Variants in MARCKS observed in about 807,000 individuals in gnomAD.
MARCKS encodes the protein myristoylated alanine rich protein kinase C substrate.
In MARCKS, 4 loss-of-function variants were observed where a neutral mutation model predicts 6.3. The observed-to-expected ratio is 0.63, with a 90% confidence interval of 0.31 to 1.45. The LOEUF (loss-of-function observed/expected upper bound fraction) is 1.45. MARCKS is among the 40% of genes most tolerant of loss of function. The pLI is 0.07. For missense variants in MARCKS, 636 were observed against 485.7 expected (o/e 1.31, Z -2.91); for synonymous variants, 289 against 236.5 (o/e 1.22, Z -2.04).
At chr6:113,859,639 GC>G in intron 1 of MARCKS, 43 bp from the exon 2 acceptor site, 3 of 1,432,398 alleles carry the variant, frequency 2.1e-6, no homozygotes, top group Middle Eastern at 2.5e-4. Flanking sequence ...GAATGGCGGC[GC>G]CCCGGCCGCT....
At position 113,860,733 on chromosome 6, in the gene MARCKS, T is replaced by G; in HGVS notation, c.*154T>G. On this transcript the variant is annotated 3_prime_UTR_variant, in exon 2 of 2. Transcript: ENST00000612661. ...TTTACTTTTTTTTAAGCACCAAATT[T>G]TGTTGTTTTTTTTTTTTCTCCCCTC... The G allele has an allele frequency of 2.2e-6, 1 of 464,952 alleles. No homozygotes were observed. Among genetic ancestry groups the G allele is most frequent in the Non-Finnish European group, 3.5e-6 (1 of 285,474 alleles). The allele number at this position is 464,952 out of a possible 1,614,324, so 28.8% of individuals were successfully genotyped here. A position where few individuals can be genotyped will look rare whatever the true frequency, so the allele number is the denominator to read the frequency against.
rs1774875665 is a variant in MARCKS at position 113,860,386 on chromosome 6, C to A, written c.806C>A (p.Ala269Asp). ...CCCAGCAAGGTGGAGGAGAAAAAGG[C>A]CGAGGAGGCCGGGGCCAGCGCCGCC... ...EEPSKVEEKKAEEAGASAAAC... is the reference protein window; with the variant it reads ...EEPSKVEEKKDEEAGASAAAC... The change falls in exon 2 of 2, where the codon GCC (alanine) becomes GAC (aspartate). Residue 269 changes from alanine (A) to aspartate (D), a missense_variant. Transcript: ENST00000612661. The A allele has an allele frequency of 7.9e-7, 1 of 1,271,492 alleles. No homozygotes were observed. The allele number at this position is 1,271,492 out of a possible 1,614,324, so 78.8% of individuals were successfully genotyped here. A position where few individuals can be genotyped will look rare whatever the true frequency, so the allele number is the denominator to read the frequency against.
Position 113,860,698 on chromosome 6 carries a change from C to T in MARCKS, c.*119C>T. The T allele has an allele frequency of 1.0e-5, 7 of 685,368 alleles. No homozygotes were observed. In the South Asian group the frequency reaches 1.5e-4, roughly 14 times the overall value. 42.5% of individuals were successfully genotyped at this position (685,368 alleles called of 1,614,324 possible). A position where few individuals can be genotyped will look rare whatever the true frequency, so the allele number is the denominator to read the frequency against. The stretch of plus-strand genomic sequence containing the variant: ...AACCAGGGATTGATTTTAAAGATGT[C>T]TTTTTTTATTTTACTTTTTTTTAAG... On this transcript the variant is annotated 3_prime_UTR_variant, in exon 2 of 2. Coordinates refer to ENST00000612661, the MANE Select transcript of MARCKS (RefSeq NM_002356.7).
chr6:113,860,316 C>T lies in MARCKS; in HGVS notation c.736C>T (p.Pro246Ser). The T allele has an allele frequency of 7.7e-7, 1 of 1,298,462 alleles. No homozygotes were observed. Among genetic ancestry groups the T allele is most frequent in the Non-Finnish European group, 1.0e-6 (1 of 997,936 alleles). The allele number at this position is 1,298,462 out of a possible 1,614,324, so 80.4% of individuals were successfully genotyped here. A position where few individuals can be genotyped will look rare whatever the true frequency, so the allele number is the denominator to read the frequency against. Residue 246 changes from proline to serine, a missense_variant, in exon 2 of 2, where the codon CCA becomes TCA. Physicochemically the swap from Pro to Ser is moderately conservative, Grantham distance 74. Coordinates refer to ENST00000612661, the MANE Select transcript of MARCKS (RefSeq NM_002356.7). ...CAAGCCCCAGGAGGCCGCTGTCGCG[C>T]CAGAGAAGCCGCCCGCCAGCGACGA... ...EAKPQEAAVA[P>S]EKPPASDETK...
rs888822248 is a variant in MARCKS at position 113,860,739 on chromosome 6, T to G, written c.*160T>G. The G allele has an allele frequency of 3.5e-4, 24 of 67,930 alleles. No individual in the cohort carries two copies. The highest frequency in any genetic ancestry group is 5.2e-4 in the Non-Finnish European group (21 of 40,572). The allele number at this position is 67,930 out of a possible 1,614,324, so 4.2% of individuals were successfully genotyped here. A position where few individuals can be genotyped will look rare whatever the true frequency, so the allele number is the denominator to read the frequency against. On this transcript the variant is annotated 3_prime_UTR_variant, in exon 2 of 2. Coordinates refer to ENST00000612661, the MANE Select transcript of MARCKS (RefSeq NM_002356.7). Reference sequence around the variant, plus strand: ...TTTTTTTAAGCACCAAATTTTGTTGTTTTTTTTTTTTCTCCCCTCCCCACA... The same window carrying G: ...TTTTTTTAAGCACCAAATTTTGTTGGTTTTTTTTTTTCTCCCCTCCCCACA...
intron 1 of MARCKS, among the ~76,000 whole-genome samples, chr6:113,859,197 G>C (rs1027081289): frequency 4.3e-4 from 65 of 152,218 alleles, no homozygotes; most frequent in Admixed American, 4.3e-3. Context: ...GATCCCCCTG[G>C]GAATTCCTGG....
rs779600997 is a variant in MARCKS, at chr6:113,860,537, C to T, written c.957C>T (p.Pro319=). 119 of 1,561,574 alleles carry T rather than the reference C, an allele frequency of 7.6e-5. No homozygotes were observed. The highest frequency in any genetic ancestry group is 9.9e-5 in the Non-Finnish European group (115 of 1,158,182). ...CAGCCCCCTCACAGGAGGCCCAGCC[C>T]GAGTGCAGTCCAGAAGCCCCCCCAG... ...ACAAPSQEAQ[P]ECSPEAPPAE... is the part of the protein sequence containing the mutation. The change falls in exon 2 of 2, where the codon CCC becomes CCT. Residue 319 remains proline, a synonymous_variant. Transcript: ENST00000612661.
intron 1 of MARCKS, 59 bp downstream of exon 1, chr6:113,857,906 G>C (rs1335520439): frequency 7.2e-7 from 1 of 1,393,172 alleles, no homozygotes; most frequent in Non-Finnish European, 9.9e-7. Flanking sequence ...TTCCCTCCTG[G>C]TGGCTCCCAA....
rs1307556102 is a variant in MARCKS, at chr6:113,860,352, G to A, written c.772G>A (p.Ala258Thr). ...KPPASDETKAAEEPSKVEEKK... is the reference protein window; with the variant it reads ...KPPASDETKATEEPSKVEEKK... ...GCCCGCCAGCGACGAGACCAAGGCC[G>A]CCGAGGAGCCCAGCAAGGTGGAGGA... Residue 258 changes from alanine (A) to threonine (T), a missense_variant, in exon 2 of 2, where the codon GCC (alanine) becomes ACC (threonine). Coordinates refer to ENST00000612661, the MANE Select transcript of MARCKS (RefSeq NM_002356.7). 7.7e-7 allele frequency: 1 copy of A among 1,303,550 alleles called. No individual in the cohort carries two copies. Among genetic ancestry groups the A allele is most frequent in the Non-Finnish European group, 1.0e-6 (1 of 1,000,288 alleles). 80.7% of individuals were successfully genotyped at this position (1,303,550 alleles called of 1,614,324 possible).
At position 113,863,027 on chromosome 6, in the gene MARCKS, A is replaced by C. The variant is rs1774927103; in HGVS notation, c.*2448A>C. 6.6e-6 allele frequency: 1 copy of C among 152,216 alleles called. No individual in the cohort carries two copies. Among genetic ancestry groups the C allele is most frequent in the Non-Finnish European group, 1.5e-5 (1 of 68,016 alleles). 9.4% of individuals were successfully genotyped at this position (152,216 alleles called of 1,614,324 possible). A position where few individuals can be genotyped will look rare whatever the true frequency, so the allele number is the denominator to read the frequency against. ...TCAGTAAAAAAGTGGATTTTTAAAAATAACTCCCAAAGTGAATAGTCAAAA... is the reference window on the plus strand; with the variant it reads ...TCAGTAAAAAAGTGGATTTTTAAAACTAACTCCCAAAGTGAATAGTCAAAA... On this transcript the variant is annotated 3_prime_UTR_variant, in exon 2 of 2. Transcript: ENST00000612661.
In MARCKS at chr6:113,860,399, G is replaced by A. The variant is rs1326884930; in HGVS notation, c.819G>A (p.Gly273=). Residue 273 remains glycine (G), a synonymous_variant, in exon 2 of 2, where the codon GGG becomes GGA. Coordinates refer to ENST00000612661, the MANE Select transcript of MARCKS (RefSeq NM_002356.7). ...AGGAGAAAAAGGCCGAGGAGGCCGG[G>A]GCCAGCGCCGCCGCCTGCGAGGCCC... ...KVEEKKAEEA[G]ASAAACEAPS... 5 of 1,214,898 alleles carry A rather than the reference G, an allele frequency of 4.1e-6. No homozygotes were observed. Among genetic ancestry groups the A allele is most frequent in the Middle Eastern group, 3.6e-4 (1 of 2,816 alleles). The allele number at this position is 1,214,898 out of a possible 1,614,324, so 75.3% of individuals were successfully genotyped here. A position where few individuals can be genotyped will look rare whatever the true frequency, so the allele number is the denominator to read the frequency against.
Position 113,862,204 on chromosome 6 carries a change from A to G in MARCKS, c.*1625A>G, listed in dbSNP as rs1419309026. The G allele has an allele frequency of 6.6e-6, 1 of 152,162 alleles. No homozygotes were observed. The highest frequency in any genetic ancestry group is 2.4e-5 in the African/African-American group (1 of 41,458). The allele number at this position is 152,162 out of a possible 1,614,324, so 9.4% of individuals were successfully genotyped here. On this transcript the variant is annotated 3_prime_UTR_variant, in exon 2 of 2. Transcript: ENST00000612661. ...AATTTTAAACTGAGTGAGAGTCTAT[A>G]GAATCCATACTGCAGATGGGTCATG...
intron 1 of MARCKS, among the ~76,000 whole-genome samples, chr6:113,859,256 C>T (rs1774837271): frequency 6.6e-6 from 1 of 152,228 alleles, no homozygotes; most frequent in Non-Finnish European, 1.5e-5. Flanking sequence ...GGATGTGAAA[C>T]GTAGGCGCGA....
Position 113,860,555 on chromosome 6 carries a change from C to G in MARCKS, c.975C>G (p.Ala325=), listed in dbSNP as rs149796810. Reference sequence around the variant, plus strand: ...CCCAGCCCGAGTGCAGTCCAGAAGCCCCCCCAGCGGAGGCGGCAGAGTAAA... The same window carrying G: ...CCCAGCCCGAGTGCAGTCCAGAAGCGCCCCCAGCGGAGGCGGCAGAGTAAA... ...QEAQPECSPE[A]PPAEAAE The change falls in exon 2 of 2, where the codon GCC becomes GCG. Residue 325 remains alanine, a synonymous_variant. Transcript: ENST00000612661. The G allele has an allele frequency of 1.0e-3, 1,618 of 1,559,186 alleles. 3 individuals carry two copies. Among genetic ancestry groups the G allele is most frequent in the Non-Finnish European group, 1.1e-3 (1,273 of 1,157,176 alleles).
chr6:113,860,393 G>A lies in MARCKS; in HGVS notation c.813G>A (p.Glu271=). 1 of 1,243,654 alleles carries A rather than the reference G, an allele frequency of 8.0e-7. No individual in the cohort carries two copies. The highest frequency in any genetic ancestry group is 1.0e-6 in the Non-Finnish European group (1 of 968,700). The allele number at this position is 1,243,654 out of a possible 1,614,324, so 77.0% of individuals were successfully genotyped here. ...PSKVEEKKAE[E]AGASAAACEA... is the part of the protein sequence containing the mutation. The stretch of plus-strand genomic sequence containing the variant: ...AGGTGGAGGAGAAAAAGGCCGAGGA[G>A]GCCGGGGCCAGCGCCGCCGCCTGCG... Residue 271 remains glutamate, a synonymous_variant, in exon 2 of 2, where the codon GAG becomes GAA. Coordinates refer to ENST00000612661, the MANE Select transcript of MARCKS (RefSeq NM_002356.7).
At position 113,862,022 on chromosome 6, in the gene MARCKS, TTTTCA is replaced by T. The variant is rs1774907168; in HGVS notation, c.*1447_*1451del. The T allele has an allele frequency of 6.6e-6, 1 of 152,184 alleles. No homozygotes were observed. Among genetic ancestry groups the T allele is most frequent in the African/African-American group, 2.4e-5 (1 of 41,466 alleles). 9.4% of individuals were successfully genotyped at this position (152,184 alleles called of 1,614,324 possible). A position where few individuals can be genotyped will look rare whatever the true frequency, so the allele number is the denominator to read the frequency against. ...TCTGTTACCATTTATTGGCATTTAG[TTTTCA>T]TTTAAGAATTGAACATAATTATTTT... On this transcript the variant is annotated 3_prime_UTR_variant, in exon 2 of 2. Transcript: ENST00000612661.
In MARCKS at chr6:113,859,734, T is replaced by A; in HGVS notation, c.154T>A (p.Ser52Thr). ...NGDASPAAAE[S>T]GAKEELQANG... Reference sequence around the variant, plus strand: ...CGACGCTTCGCCCGCGGCCGCCGAGTCGGGCGCCAAGGAGGAGCTGCAGGC... The same window carrying A: ...CGACGCTTCGCCCGCGGCCGCCGAGACGGGCGCCAAGGAGGAGCTGCAGGC... The change falls in exon 2 of 2, where the codon TCG becomes ACG. Residue 52 changes from serine (S) to threonine (T), a missense_variant. By Grantham distance (58) the Ser-to-Thr change is moderately conservative. Coordinates refer to ENST00000612661, the MANE Select transcript of MARCKS (RefSeq NM_002356.7). The A allele has an allele frequency of 6.7e-7, 1 of 1,498,210 alleles. No individual in the cohort carries two copies. The highest frequency in any genetic ancestry group is 2.3e-5 in the Admixed American group (1 of 44,364). 92.8% of individuals were successfully genotyped at this position (1,498,210 alleles called of 1,614,324 possible). A position where few individuals can be genotyped will look rare whatever the true frequency, so the allele number is the denominator to read the frequency against.
Position 113,860,136 on chromosome 6 carries a change from G to A in MARCKS, c.556G>A (p.Ala186Thr). The A allele has an allele frequency of 6.7e-7, 1 of 1,488,426 alleles. No individual in the cohort carries two copies. The highest frequency in any genetic ancestry group is 1.3e-5 in the South Asian group (1 of 79,946). 92.2% of individuals were successfully genotyped at this position (1,488,426 alleles called of 1,614,324 possible). A position where few individuals can be genotyped will look rare whatever the true frequency, so the allele number is the denominator to read the frequency against. ...KEAGEGGEAE[A>T]PAAEGGKDEA... ...GGCTGGAGAAGGCGGTGAGGCTGAG[G>A]CGCCCGCTGCCGAAGGCGGCAAGGA... Residue 186 changes from alanine (A) to threonine (T), a missense_variant, in exon 2 of 2, where the codon GCG (alanine) becomes ACG (threonine). By Grantham distance (58) the Ala-to-Thr change is moderately conservative. Transcript: ENST00000612661.
Position 113,859,971 on chromosome 6 carries a change from T to A in MARCKS, c.391T>A (p.Ser131Thr). The A allele has an allele frequency of 6.5e-7, 1 of 1,534,726 alleles. No homozygotes were observed. Among genetic ancestry groups the A allele is most frequent in the South Asian group, 1.2e-5 (1 of 85,708 alleles). ...AAEGEAASAA[S>T]STSSPKAEDG... ...GGAGGGAGAGGCCGCGTCGGCCGCC[T>A]CCTCGACTTCTTCGCCCAAGGCCGA... The change falls in exon 2 of 2, where the codon TCC (serine) becomes ACC (threonine). Residue 131 changes from serine (S) to threonine (T), a missense_variant. By Grantham distance (58) the Ser-to-Thr change is moderately conservative (BLOSUM62 1). Coordinates refer to ENST00000612661, the MANE Select transcript of MARCKS (RefSeq NM_002356.7).
Sources: gnomAD v4.1 joint callset for allele counts (sites outside exome capture counted in the v4.1 genomes callset) on GRCh38, gnomAD v4.1.1 for gene constraint, MANE v1.5 for transcripts, NCBI Gene and HGNC (gene_info 2026-07-23, HGNC 2026-07-21) for gene names.